The following DPF3 variants were observed in gnomAD, a reference collection of about 807,000 sequenced individuals.
DPF3 encodes the protein double PHD fingers 3, also known as zinc finger protein DPF3.
Under a neutral mutation model 56.8 loss-of-function variants are expected in DPF3, and 18 were observed. The observed-to-expected ratio is 0.32, with a 90% CI of 0.22 to 0.47. The LOEUF (loss-of-function observed/expected upper bound fraction) is 0.47, where lower values mean the gene tolerates loss of function less well. Among genes scored for constraint, DPF3 ranks in the 20% least tolerant of loss-of-function variants. The pLI is 1.00. For synonymous variants in DPF3, 188 were observed against 180.2 expected, an observed-to-expected ratio of 1.04 and a Z score of -0.35; for missense variants, 403 against 488.8, an observed-to-expected ratio of 0.82 and a Z score of 1.65.
intron 8 of DPF3, among the ~76,000 whole-genome samples, chr14:72,630,509 C>T (rs1885107799): frequency 6.6e-6 from 1 of 152,168 alleles, no homozygotes; most frequent in Non-Finnish European, 1.5e-5. Flanking sequence ...AAGCACAGCC[C>T]CCGTGAGCCA....
chr14:72,822,428 ATT>A (rs369513377), intron 1 of DPF3, among the ~76,000 whole-genome samples: 14,205 of 152,224 alleles, frequency 0.093, 814 homozygotes, highest in Admixed American at 0.18. Context: ...TTGTTAAAAA[ATT>A]TTTAAAGGTG....
chr14:72,744,651 G>T (rs1890255530), intron 3 of DPF3, among the ~76,000 whole-genome samples: 1 of 152,064 alleles, frequency 6.6e-6, no homozygotes, highest in South Asian at 2.1e-4. Context: ...CCCTGACCTG[G>T]TTTCCTGACA....
At chr14:72,719,367 C>T (rs1420425367) in intron 5 of DPF3, among the ~76,000 whole-genome samples, 1 of 152,072 alleles carries the variant, frequency 6.6e-6, no homozygotes. Flanking sequence ...CCAGCCTACA[C>T]CCTTGCTATT....
At chr14:72,620,202 C>T (rs148527779) in intron 9 of DPF3, among the ~76,000 whole-genome samples, 10 of 152,262 alleles carry the variant, frequency 6.6e-5, no homozygotes, top group African/African-American at 2.4e-4. Context: ...ATCCTACCCC[C>T]ATTTTAGGGT....
intron 1 of DPF3, chr14:72,773,721 T>C: frequency 4.7e-6 from 2 of 425,708 alleles, no homozygotes; most frequent in Non-Finnish European, 4.6e-6. Context: ...CATACAGTAT[T>C]TGTCTTTTTG....
chr14:72,713,156 C>T (rs1318237265), intron 6 of DPF3, among the ~76,000 whole-genome samples: 1 of 152,222 alleles, frequency 6.6e-6, no homozygotes, highest in Admixed American at 6.5e-5. Flanking sequence ...GCATCAGACC[C>T]CATGCCCTGC....
intron 8 of DPF3, chr14:72,661,986 A>T: frequency 2.0e-6 from 2 of 984,866 alleles, no homozygotes; most frequent in Non-Finnish European, 2.4e-6. Flanking sequence ...CAGACATGAT[A>T]ACTAGGAGGC....
intron 6 of DPF3, among the ~76,000 whole-genome samples, chr14:72,704,135 A>T (rs1011439314): frequency 9.2e-5 from 14 of 152,152 alleles, no homozygotes; most frequent in African/African-American, 3.1e-4. Context: ...AAAGATTCAA[A>T]TCCTAGCTTT....
chr14:72,669,945 G>A, intron 8 of DPF3: 1 of 985,938 alleles, frequency 1.0e-6, no homozygotes, highest in Non-Finnish European at 1.2e-6. Context: ...GGTTAGCCAA[G>A]ACATACCTTT....
chr14:72,863,144 A>ATGTGTG (rs1484840768), intron 1 of DPF3, among the ~76,000 whole-genome samples: 8 of 101,956 alleles, frequency 7.8e-5, no homozygotes, highest in Admixed American at 2.2e-4. Context: ...GTGTATATAT[A>ATGTGTG]TATGTGTGTG....
intron 1 of DPF3, among the ~76,000 whole-genome samples, chr14:72,780,473 C>T (rs1891925720): frequency 6.6e-6 from 1 of 152,174 alleles, no homozygotes; most frequent in Non-Finnish European, 1.5e-5. Flanking sequence ...GTGATAGATA[C>T]ATTGCTTGAC....
intron 1 of DPF3, among the ~76,000 whole-genome samples, chr14:72,892,929 C>G (rs1886811775): frequency 6.8e-6 from 1 of 146,174 alleles, no homozygotes; most frequent in African/African-American, 2.6e-5. Flanking sequence ...GGCGGCTTAA[C>G]AGTTCCACTG....
At chr14:72,834,266 G>C (rs1319540094) in intron 1 of DPF3, among the ~76,000 whole-genome samples, 1 of 152,112 alleles carries the variant, frequency 6.6e-6, no homozygotes, top group African/African-American at 2.4e-5. Flanking sequence ...GGAGGCCAAG[G>C]CGGGTGGATT....
At chr14:72,836,245 C>T (rs1567250245) in intron 1 of DPF3, 2 of 985,648 alleles carry the variant, frequency 2.0e-6, no homozygotes, top group East Asian at 1.1e-4. Context: ...CTACTTCCCT[C>T]TCCAGTGATA....
chr14:72,702,089 C>T (rs1005006124), intron 6 of DPF3, among the ~76,000 whole-genome samples: 3 of 152,138 alleles, frequency 2.0e-5, no homozygotes, highest in African/African-American at 4.8e-5. Context: ...GATGGCACAG[C>T]CAGAGTTTGA....
intron 6 of DPF3, among the ~76,000 whole-genome samples, chr14:72,701,188 C>T (rs1318317269): frequency 1.3e-5 from 2 of 152,204 alleles, no homozygotes; most frequent in African/African-American, 4.8e-5. Flanking sequence ...GCTTTTGCAC[C>T]ATGCACCTCT....
chr14:72,650,289 C>T (rs528166944), intron 8 of DPF3, among the ~76,000 whole-genome samples: 2 of 152,300 alleles, frequency 1.3e-5, no homozygotes, highest in East Asian at 1.9e-4. Flanking sequence ...TTCCAAACCC[C>T]GCCCCGACAG....
intron 5 of DPF3, among the ~76,000 whole-genome samples, chr14:72,717,074 A>G (rs1269854103): frequency 6.6e-6 from 1 of 152,186 alleles, no homozygotes; most frequent in Non-Finnish European, 1.5e-5. Context: ...ATTGCCATCT[A>G]CAACCCACTT....
At chr14:72,807,234 T>C (rs73304106) in intron 1 of DPF3, among the ~76,000 whole-genome samples, 3,536 of 152,332 alleles carry the variant, frequency 0.023, 145 homozygotes, top group African/African-American at 0.081. Flanking sequence ...ACTTATGCCC[T>C]TGGGCAAACT....
Sources: allele counts gnomAD v4.1 joint callset (sites outside exome capture counted in the v4.1 genomes callset), GRCh38; gene constraint gnomAD v4.1.1; transcripts MANE v1.5; gene names NCBI Gene and HGNC (gene_info 2026-07-23, HGNC 2026-07-21).